PPARGC1B: variants seen among roughly 807,000 people sequenced by gnomAD.
PPARGC1B encodes the protein peroxisome proliferator-activated receptor gamma coactivator 1-beta.
Under a neutral mutation model 101.6 loss-of-function variants are expected in PPARGC1B, and 34 were observed. The observed-to-expected ratio is 0.33, with a 90% CI of 0.25 to 0.45. PPARGC1B has a LOEUF of 0.45. Among genes scored for constraint, PPARGC1B ranks in the 20% least tolerant of loss-of-function variants. The pLI is 1.00. For synonymous variants in PPARGC1B, 548 were observed against 539.3 expected (o/e 1.02, Z -0.22); for missense variants, 1,234 against 1,317.6 (o/e 0.94, Z 0.98).
At chr5:149,750,822 C>T (rs897419163) in intron 1 of PPARGC1B, among the ~76,000 whole-genome samples, 2 of 152,214 alleles carry the variant, frequency 1.3e-5, no homozygotes, top group African/African-American at 2.4e-5. Flanking sequence ...TGGGACTGAC[C>T]GGCAGGTCCA....
At chr5:149,786,697 G>A (rs1025897887) in intron 1 of PPARGC1B, among the ~76,000 whole-genome samples, 2 of 152,230 alleles carry the variant, frequency 1.3e-5, no homozygotes, top group African/African-American at 4.8e-5. Context: ...AAGTTGAGAA[G>A]ATCAAGGGGA....
At position 149,772,261 on chromosome 5, in the gene PPARGC1B, T is replaced by A. The variant is rs1756161669; in HGVS notation, c.78+41841T>A. ...GTGTTGGGTAGACACATGGTTGTGA[T>A]GTGGCGATGGTGGGTTAGGGTACGG... On this transcript the variant is annotated intron_variant, in intron 1 of 11. Coordinates refer to ENST00000309241, the MANE Select transcript of PPARGC1B (RefSeq NM_133263.4). The A allele has an allele frequency of 3.2e-6, 5 of 1,547,208 alleles. No individual in the cohort carries two copies. The South Asian group carries it at 4.9e-5, about 15-fold the overall frequency.
At chr5:149,758,764 T>C (rs1755623084) in intron 1 of PPARGC1B, among the ~76,000 whole-genome samples, 1 of 152,266 alleles carries the variant, frequency 6.6e-6, no homozygotes, top group South Asian at 2.1e-4. Flanking sequence ...TGTATTCTTT[T>C]TGTTTGTTTC....
intron 1 of PPARGC1B, among the ~76,000 whole-genome samples, chr5:149,783,659 C>T (rs545086844): frequency 4.0e-4 from 61 of 152,270 alleles, no homozygotes; most frequent in African/African-American, 1.4e-3. Flanking sequence ...GTCTCACCAC[C>T]GCACTTGAGA....
intron 1 of PPARGC1B, among the ~76,000 whole-genome samples, chr5:149,788,456 G>A (rs971943247): frequency 6.6e-6 from 1 of 152,178 alleles, no homozygotes; most frequent in Non-Finnish European, 1.5e-5. Context: ...GGAGAAATAG[G>A]AACACTTTTA....
chr5:149,777,019 G>C (rs1756387395), intron 1 of PPARGC1B, among the ~76,000 whole-genome samples: 2 of 152,188 alleles, frequency 1.3e-5, no homozygotes, highest in South Asian at 4.1e-4. Context: ...AGCCCTTTCA[G>C]TTTGCAAGAA....
At chr5:149,781,458 G>A (rs1163132646) in intron 1 of PPARGC1B, among the ~76,000 whole-genome samples, 1 of 152,222 alleles carries the variant, frequency 6.6e-6, no homozygotes, top group East Asian at 1.9e-4. Context: ...GTGAAAAGGA[G>A]AGAGAATTCC....
Position 149,854,164 on chromosome 5 carries a change from G to A in PPARGC1B, c.*6606G>A, listed in dbSNP as rs765600154. ...GCCTAGAGAATTCTGAGCAATAGGA[G>A]CCAGGGCTTTCCCTGACTCTGCGAC... On this transcript the variant is annotated 3_prime_UTR_variant, in exon 12 of 12. Transcript: ENST00000309241. 14 of 152,192 alleles carry A rather than the reference G, an allele frequency of 9.2e-5. 1 individual carries two copies. Among genetic ancestry groups the A allele is most frequent in the Non-Finnish European group, 1.5e-4 (10 of 68,034 alleles). 9.4% of individuals were successfully genotyped at this position (152,192 alleles called of 1,614,324 possible).
chr5:149,834,747 A>C, intron 6 of PPARGC1B, 37 bp downstream of exon 6: 2 of 1,593,410 alleles, frequency 1.3e-6, no homozygotes, highest in Non-Finnish European at 1.7e-6. Context: ...TTGTTCCATG[A>C]GATTTTGTCT....
chr5:149,838,243 CA>C (rs1348378985), intron 8 of PPARGC1B, among the ~76,000 whole-genome samples: 1 of 152,166 alleles, frequency 6.6e-6, no homozygotes, highest in Non-Finnish European at 1.5e-5. Context: ...TTAAAATGTG[CA>C]TACACATCTA....
At chr5:149,840,173 G>C in intron 9 of PPARGC1B, 57 bp downstream of exon 9, 2 of 1,531,294 alleles carry the variant, frequency 1.3e-6, no homozygotes. Flanking sequence ...GGAAGTGTGT[G>C]GGGGCTTCAT....
rs1203502017 is a variant in PPARGC1B at position 149,772,186 on chromosome 5, CTT to C, written c.78+41770_78+41771del. The C allele has an allele frequency of 1.9e-6, 3 of 1,605,968 alleles. No homozygotes were observed. The African/African-American group carries it at 4.0e-5, about 21-fold the overall frequency. ...GTTTAGGTGGCGTTGGTGGTGAAGG[CTT>C]TTTCTGTGAGCTTGTTGGGTTGACG... On this transcript the variant is annotated intron_variant, in intron 1 of 11. Transcript: ENST00000309241.
intron 1 of PPARGC1B, among the ~76,000 whole-genome samples, chr5:149,738,173 C>T (rs1371306514): frequency 1.3e-5 from 2 of 152,142 alleles, no homozygotes; most frequent in East Asian, 1.9e-4. Flanking sequence ...CAAGAATTTT[C>T]GTTTATTTCA....
intron 8 of PPARGC1B, among the ~76,000 whole-genome samples, chr5:149,839,084 T>G (rs1037537604): frequency 1.1e-4 from 16 of 152,246 alleles, no homozygotes; most frequent in African/African-American, 3.4e-4. Flanking sequence ...TATCTGCTGC[T>G]TATCCCCATT....
rs1006538980 is a variant in PPARGC1B at position 149,798,017 on chromosome 5, A to T, written c.79-22416A>T. The stretch of plus-strand genomic sequence containing the variant: ...GCTTCATCAGATCTCAGAGGGACCC[A>T]TGGCTCAAAAAAGGTTAAGGACCCT... On this transcript the variant is annotated intron_variant, in intron 1 of 11. Transcript: ENST00000309241. 2.0e-5 allele frequency among the ~76,000 whole-genome samples: 3 copies of T among 152,214 alleles called. No individual in the cohort carries two copies. The East Asian group carries it at 5.8e-4, about 29-fold the overall frequency.
At chr5:149,795,689 A>G (rs1447234690) in intron 1 of PPARGC1B, among the ~76,000 whole-genome samples, 1 of 152,170 alleles carries the variant, frequency 6.6e-6, no homozygotes, top group Non-Finnish European at 1.5e-5. Flanking sequence ...AGGTCACAGC[A>G]TCTTGAGGCC....
chr5:149,845,701 G>C lies in PPARGC1B; in HGVS notation c.2817-59G>C, dbSNP rs563967336. ...TCGGTTCCTCATCTAGTAATGGGTGGTCTCACAGTGTCCACCCAGCCAGCC... is the reference window on the plus strand; with the variant it reads ...TCGGTTCCTCATCTAGTAATGGGTGCTCTCACAGTGTCCACCCAGCCAGCC... On this transcript the variant is annotated intron_variant, in intron 10 of 11. Transcript: ENST00000309241. The C allele has an allele frequency of 2.0e-4, 299 of 1,528,426 alleles. No individual in the cohort carries two copies. The Middle Eastern group carries it at 2.8e-3, about 14-fold the overall frequency. The allele number at this position is 1,528,426 out of a possible 1,614,324, so 94.7% of individuals were successfully genotyped here. A position where few individuals can be genotyped will look rare whatever the true frequency, so the allele number is the denominator to read the frequency against.
rs141727855 is a variant in PPARGC1B at position 149,777,588 on chromosome 5, A to G, written c.79-42845A>G. 2.8e-3 allele frequency among the ~76,000 whole-genome samples: 425 copies of G among 152,108 alleles called. 1 individual carries two copies. The highest frequency in any genetic ancestry group is 1.0e-2 in the African/African-American group (414 of 41,494). ...GAGTTAAGTGGCTGCCTTGTCCCTC[A>G]TGGGTCCCAGAGGCCTCTTCACTCC... On this transcript the variant is annotated intron_variant, in intron 1 of 11. Transcript: ENST00000309241.
intron 1 of PPARGC1B, chr5:149,732,813 A>T: frequency 2.1e-6 from 1 of 477,936 alleles, no homozygotes; most frequent in East Asian, 6.6e-5. Context: ...CCAGAGGGTG[A>T]CAGAGCCACC....
Sources: gnomAD v4.1 joint callset for allele counts (sites outside exome capture counted in the v4.1 genomes callset) on GRCh38, gnomAD v4.1.1 for gene constraint, MANE v1.5 for transcripts, NCBI Gene and HGNC (gene_info 2026-07-23, HGNC 2026-07-21) for gene names.